CCNY: variants seen among roughly 807,000 people sequenced by gnomAD.
The protein encoded by CCNY is cyclin-Y.
CCNY carries 19 observed loss-of-function variants against 42.8 expected under a neutral mutation model. The observed-to-expected ratio is 0.44, with a 90% CI of 0.31 to 0.65. The LOEUF (loss-of-function observed/expected upper bound fraction) is 0.65. Ranked by LOEUF, CCNY falls within the 30% of genes least tolerant of loss-of-function variation. The probability of loss-of-function intolerance (pLI) is 0.07; values close to 1 mark genes in which losing one functional copy is unlikely to be tolerated. For missense variants in CCNY, 370 were observed against 437.3 expected (o/e 0.85, Z 1.37); for synonymous variants, 165 against 162.7 (o/e 1.01, Z -0.11).
upstream of CCNY, among the ~76,000 whole-genome samples, chr10:35,331,974 G>T (rs949793477): frequency 2.6e-5 from 4 of 152,118 alleles, no homozygotes; most frequent in Admixed American, 6.6e-5. Flanking sequence ...TATCCTCAAG[G>T]TGCCTGGCTC....
chr10:35,519,931 C>A (rs1006509726), intron 4 of CCNY, among the ~76,000 whole-genome samples: 8 of 151,990 alleles, frequency 5.3e-5, no homozygotes, highest in African/African-American at 1.9e-4. Context: ...GTACACACTA[C>A]CATGGCCAGC....
At chr10:35,282,114 CTTT>C (rs3066487) in intron 3 of CCNY, among the ~76,000 whole-genome samples, 419 of 87,868 alleles carry the variant, frequency 4.8e-3, no homozygotes, top group South Asian at 5.9e-3. Flanking sequence ...CATCTACACC[CTTT>C]TTTTTTTTTT....
chr10:35,456,228 C>T (rs1839032826), intron 1 of CCNY, among the ~76,000 whole-genome samples: 1 of 152,146 alleles, frequency 6.6e-6, no homozygotes, highest in South Asian at 2.1e-4. Flanking sequence ...CTTCTTGCTC[C>T]CATTGCATCT....
chr10:35,465,392 G>A (rs1247176471), intron 1 of CCNY, among the ~76,000 whole-genome samples: 1 of 152,092 alleles, frequency 6.6e-6, no homozygotes, highest in Non-Finnish European at 1.5e-5. Flanking sequence ...TCTGATACAT[G>A]ATTTTTCTCT....
chr10:35,485,724 C>CAAAAAAA (rs60570748), intron 2 of CCNY, among the ~76,000 whole-genome samples: 84 of 97,770 alleles, frequency 8.6e-4, no homozygotes, highest in African/African-American at 2.8e-3. Context: ...GACTCCGTCT[C>CAAAAAAA]AAAAAAAAAA....
At chr10:35,254,830 CAAA>C (rs748535872) in intron 3 of CCNY, among the ~76,000 whole-genome samples, 8 of 38,084 alleles carry the variant, frequency 2.1e-4, no homozygotes, top group Non-Finnish European at 2.2e-4. Context: ...GACCCTGTCT[CAAA>C]AAAAAAAAAA....
At chr10:35,471,776 C>CA (rs111456815) in intron 1 of CCNY, among the ~76,000 whole-genome samples, 2,545 of 152,208 alleles carry the variant, frequency 0.017, 68 homozygotes, top group African/African-American at 0.058. Flanking sequence ...ACATCATAAA[C>CA]AAAAAATAGG....
intron 1 of CCNY, among the ~76,000 whole-genome samples, chr10:35,380,283 T>C (rs1804060427): frequency 6.6e-6 from 1 of 152,196 alleles, no homozygotes; most frequent in African/African-American, 2.4e-5. Context: ...GAAACATTGA[T>C]TATGCAGTGA....
intron 1 of CCNY, among the ~76,000 whole-genome samples, chr10:35,387,150 A>T (rs1237967132): frequency 2.0e-5 from 3 of 152,252 alleles, no homozygotes; most frequent in Non-Finnish European, 4.4e-5. Context: ...CTTAAAAAAT[A>T]CACAGGAAAA....
At chr10:35,444,249 CTTTT>C (rs1323493317) in intron 1 of CCNY, among the ~76,000 whole-genome samples, 4 of 136,558 alleles carry the variant, frequency 2.9e-5, no homozygotes, top group Non-Finnish European at 3.2e-5. Flanking sequence ...TGTTTTTTGG[CTTTT>C]TTTTTTTTTT....
intron 1 of CCNY, among the ~76,000 whole-genome samples, chr10:35,473,779 C>T (rs1323015359): frequency 6.6e-6 from 1 of 151,844 alleles, no homozygotes; most frequent in Non-Finnish European, 1.5e-5. Flanking sequence ...AAATGTGTTC[C>T]TTGGGGGGAG....
Position 35,337,200 on chromosome 10 carries a change from C to A in CCNY, c.147C>A (p.Asn49Lys). 3 of 1,553,404 alleles carry A rather than the reference C, an allele frequency of 1.9e-6. No homozygotes were observed. Among genetic ancestry groups the A allele is most frequent in the Non-Finnish European group, 2.6e-6 (3 of 1,150,288 alleles). The stretch of plus-strand genomic sequence containing the variant: ...TGCAGCACATCAGCGACCGGGAGAA[C>A]ATAGACGGTGAGTGCGGCCCGCCGA... ...CNLQHISDRE[N>K]IDDLNMEFNP... The change falls in exon 1 of 10, where the codon AAC becomes AAA. Residue 49 changes from asparagine to lysine, a missense_variant. Physicochemically the swap from Asn to Lys is moderately conservative, Grantham distance 94 (BLOSUM62 0). This residue lies in a region of CCNY where 136 missense variants were observed against 124.2 expected (regional missense o/e 1.09). Coordinates refer to ENST00000374704, the MANE Select transcript of CCNY (RefSeq NM_145012.6).
chr10:35,461,736 A>G (rs553402412), intron 1 of CCNY, among the ~76,000 whole-genome samples: 3 of 152,228 alleles, frequency 2.0e-5, no homozygotes, highest in South Asian at 4.1e-4. Context: ...TCTAGTGTTC[A>G]TGGCTTCTAT....
chr10:35,563,489 G>A (rs1242609886), intron 8 of CCNY, among the ~76,000 whole-genome samples: 1 of 152,092 alleles, frequency 6.6e-6, no homozygotes, highest in Non-Finnish European at 1.5e-5. Flanking sequence ...ACCACCAGAC[G>A]GCGGTGTGTC....
chr10:35,465,146 C>G (rs1026291693), intron 1 of CCNY, among the ~76,000 whole-genome samples: 3 of 152,152 alleles, frequency 2.0e-5, no homozygotes, highest in African/African-American at 7.2e-5. Context: ...TTCATTTGAT[C>G]ATTCTTTTAT....
chr10:35,452,455 A>G (rs1213806733), intron 1 of CCNY, among the ~76,000 whole-genome samples: 1 of 152,206 alleles, frequency 6.6e-6, no homozygotes, highest in East Asian at 1.9e-4. Context: ...TTCTTAAACC[A>G]AGCATAATCC....
chr10:35,563,022 A>G (rs931833410), intron 8 of CCNY, among the ~76,000 whole-genome samples: 4 of 151,878 alleles, frequency 2.6e-5, no homozygotes, highest in Non-Finnish European at 5.9e-5. Flanking sequence ...GTTTTACACC[A>G]AAACTGTTTC....
At chr10:35,337,255 G>C (rs1350513539) in intron 1 of CCNY, 48 bp downstream of exon 1, 39 of 1,439,644 alleles carry the variant, frequency 2.7e-5, no homozygotes, top group Non-Finnish European at 3.6e-5. Flanking sequence ...GGCAACAGTC[G>C]CACAGCCAAC....
intron 1 of CCNY, among the ~76,000 whole-genome samples, chr10:35,369,979 G>A (rs1340999545): frequency 6.6e-6 from 1 of 152,208 alleles, no homozygotes; most frequent in African/African-American, 2.4e-5. Context: ...TCAGGGATCA[G>A]ATGGGAGGAC....
Sources: gnomAD v4.1 joint callset for allele counts (sites outside exome capture counted in the v4.1 genomes callset) on GRCh38, gnomAD v4.1.1 for gene constraint, gnomAD v4.1.1 regional missense constraint, MANE v1.5 for transcripts, NCBI Gene and HGNC (gene_info 2026-07-23, HGNC 2026-07-21) for gene names.